DIP2C: variants seen among roughly 807,000 people sequenced by gnomAD.
The protein encoded by DIP2C is DIP2 acetate--CoA ligase C (putative), also known as disco-interacting protein 2 homolog C.
In DIP2C, 33 loss-of-function variants were observed where a neutral mutation model predicts 192.4. The ratio of observed to expected loss-of-function variants is 0.17; its 90% CI spans 0.13 to 0.23. DIP2C has a LOEUF of 0.23. Ranked by LOEUF, DIP2C falls within the 10% of genes least tolerant of loss-of-function variation. The probability of loss-of-function intolerance (pLI) is 1.00; values close to 1 mark genes in which losing one functional copy is unlikely to be tolerated. For missense variants in DIP2C, 1,537 were observed against 2,110.1 expected, an observed-to-expected ratio of 0.73 and a Z score of 5.32; for synonymous variants, 979 against 864.1, an observed-to-expected ratio of 1.13 and a Z score of -2.33.
intron 1 of DIP2C, among the ~76,000 whole-genome samples, chr10:595,794 A>G (rs1851668037): frequency 6.6e-6 from 1 of 152,240 alleles, no homozygotes; most frequent in African/African-American, 2.4e-5. Context: ...AAATTAACGT[A>G]AATGATCCTT....
chr10:441,740 TG>T (rs1967756026), intron 3 of DIP2C, among the ~76,000 whole-genome samples: 1 of 152,246 alleles, frequency 6.6e-6, no homozygotes, highest in Non-Finnish European at 1.5e-5. Flanking sequence ...TTCCCAGTCT[TG>T]GGTATGTCTT....
intron 1 of DIP2C, among the ~76,000 whole-genome samples, chr10:573,355 A>T (rs534818861): frequency 6.6e-6 from 1 of 152,328 alleles, no homozygotes; most frequent in African/African-American, 2.4e-5. Context: ...ACATAACTGG[A>T]TTTATTCTAC....
intron 3 of DIP2C, among the ~76,000 whole-genome samples, chr10:442,485 G>A (rs1397794909): frequency 6.6e-6 from 1 of 152,142 alleles, no homozygotes; most frequent in Non-Finnish European, 1.5e-5. Flanking sequence ...AGGTGACACA[G>A]TCCACTCACT....
intron 1 of DIP2C, among the ~76,000 whole-genome samples, chr10:551,641 G>C (rs1006232779): frequency 3.3e-5 from 5 of 152,200 alleles, no homozygotes; most frequent in African/African-American, 1.2e-4. Flanking sequence ...CCCCGAGTGT[G>C]AACAGTCAAG....
chr10:530,652 T>A (rs980577617), intron 1 of DIP2C, among the ~76,000 whole-genome samples: 115 of 54,348 alleles, frequency 2.1e-3, no homozygotes, highest in South Asian at 0.016. Context: ...ACCCTATCTC[T>A]TAAAAAAAAA....
At chr10:584,161 AAAAAC>A (rs1056574392) in intron 1 of DIP2C, among the ~76,000 whole-genome samples, 8 of 152,108 alleles carry the variant, frequency 5.3e-5, no homozygotes, top group East Asian at 1.9e-4. Context: ...CCACATAACT[AAAAAC>A]AAAACATCAA....
At chr10:285,616 A>C (rs568449457) in intron 34 of DIP2C, among the ~76,000 whole-genome samples, 155 of 152,324 alleles carry the variant, frequency 1.0e-3, no homozygotes, top group Non-Finnish European at 1.9e-3. Context: ...CGCATGAGAC[A>C]AGTGGCCTCT....
chr10:346,819 G>T (rs372473554), intron 26 of DIP2C, among the ~76,000 whole-genome samples: 1 of 11,030 alleles, frequency 9.1e-5, no homozygotes, highest in African/African-American at 2.6e-4. Flanking sequence ...AACGTCACAC[G>T]CACCCGGACA....
At chr10:662,658 T>C in intron 1 of DIP2C, 1 of 567,804 alleles carries the variant, frequency 1.8e-6, no homozygotes, top group Middle Eastern at 4.4e-4. Context: ...AATTTTTTTT[T>C]CTTTTTCATC....
In DIP2C at chr10:568,765, C is replaced by CAAAAAAAAAAAAA. The variant is rs1206501677; in HGVS notation, c.86-82248_86-82236dup. 4.5e-4 allele frequency among the ~76,000 whole-genome samples: 17 copies of CAAAAAAAAAAAAA among 37,882 alleles called. 4 individuals carry two copies. The highest frequency in any genetic ancestry group is 2.0e-3 in the South Asian group (1 of 506). The allele number at this position is 37,882 out of a possible 152,430, so 24.9% of individuals were successfully genotyped here. On this transcript the variant is annotated intron_variant, in intron 1 of 36. Transcript: ENST00000280886. Reference sequence around the variant, plus strand: ...TGGGCGACAGAGGGAAACTCCGTCTCAAAAAAAAAAAAAAAAAAAAAAAAA... The same window carrying CAAAAAAAAAAAAA: ...TGGGCGACAGAGGGAAACTCCGTCTCAAAAAAAAAAAAAAAAAAAAAAAAAAAAAAAAAAAAAA...
At chr10:588,344 C>A (rs1251508678) in intron 1 of DIP2C, among the ~76,000 whole-genome samples, 1 of 152,256 alleles carries the variant, frequency 6.6e-6, no homozygotes, top group African/African-American at 2.4e-5. Flanking sequence ...AACTTAAACT[C>A]TGGAAGCTGA....
chr10:585,002 CG>C (rs1488298125), intron 1 of DIP2C, among the ~76,000 whole-genome samples: 2 of 149,908 alleles, frequency 1.3e-5, no homozygotes, highest in Non-Finnish European at 3.0e-5. Flanking sequence ...CAGATAATCT[CG>C]GGGCCCGCAA....
chr10:318,168 C>T (rs1012414612), intron 31 of DIP2C, among the ~76,000 whole-genome samples: 9 of 152,164 alleles, frequency 5.9e-5, no homozygotes, highest in East Asian at 1.9e-4. Context: ...GAGCAGCCAC[C>T]GCTGCCACAC....
At position 516,015 on chromosome 10, in the gene DIP2C, G is replaced by A. The variant is rs183320869; in HGVS notation, c.86-29485C>T. On this transcript the variant is annotated intron_variant, in intron 1 of 36. Transcript: ENST00000280886. ...CTCAAACCAGATTCCTTGCTTTCGG[G>A]GTGAAGGGGCTTCCCCAGGAAGATC... Among the ~76,000 whole-genome samples the A allele has an allele frequency of 2.3e-3, 354 of 151,522 alleles. 3 individuals carry two copies. The highest frequency in any genetic ancestry group is 7.5e-3 in the African/African-American group (310 of 41,298).
chr10:575,862 CAAT>C (rs1382602896), intron 1 of DIP2C, among the ~76,000 whole-genome samples: 1 of 152,210 alleles, frequency 6.6e-6, no homozygotes, highest in Non-Finnish European at 1.5e-5. Flanking sequence ...AAACGTGCAA[CAAT>C]GAGAAACAAT....
intron 1 of DIP2C, among the ~76,000 whole-genome samples, chr10:557,901 C>A (rs1848992733): frequency 8.3e-5 from 1 of 12,024 alleles, no homozygotes; most frequent in South Asian, 3.4e-3. Context: ...CAGGGGCAGG[C>A]GGGGAAGGGG....
chr10:486,226 CT>C (rs1327425652), intron 2 of DIP2C, among the ~76,000 whole-genome samples: 1 of 152,240 alleles, frequency 6.6e-6, no homozygotes. Flanking sequence ...CAATACCGAT[CT>C]CTACTTATAG....
chr10:470,258 G>T (rs558976966), intron 3 of DIP2C, among the ~76,000 whole-genome samples: 1 of 152,316 alleles, frequency 6.6e-6, no homozygotes, highest in Non-Finnish European at 1.5e-5. Flanking sequence ...GAACGGGAGA[G>T]ATTGTGTGTG....
At chr10:330,262 A>G (rs1170380368) in intron 29 of DIP2C, among the ~76,000 whole-genome samples, 3 of 152,242 alleles carry the variant, frequency 2.0e-5, no homozygotes, top group Non-Finnish European at 4.4e-5. Context: ...CCAACGAATT[A>G]CCAAACAGAA....
Sources: allele counts gnomAD v4.1 joint callset (sites outside exome capture counted in the v4.1 genomes callset), GRCh38; gene constraint gnomAD v4.1.1; transcripts MANE v1.5; gene names NCBI Gene and HGNC (gene_info 2026-07-23, HGNC 2026-07-21).